Variants in CASK observed in about 807,000 individuals in gnomAD.
CASK encodes peripheral plasma membrane protein CASK.
Under a neutral mutation model 82.9 loss-of-function variants are expected in CASK, and 4 were observed. That is an observed-to-expected ratio of 0.05 (90% CI 0.02 to 0.11). The LOEUF (loss-of-function observed/expected upper bound fraction) is 0.11. Ranked by LOEUF, CASK falls within the 10% of genes least tolerant of loss-of-function variation. The pLI, the probability that CASK is intolerant of heterozygous loss-of-function variation, is 1.00. For missense variants in CASK, 358 were observed against 720.9 expected, an observed-to-expected ratio of 0.50 and a Z score of 5.76; for synonymous variants, 259 against 253.5, an observed-to-expected ratio of 1.02 and a Z score of -0.20.
chrX:41,893,225 G>A (rs182660264), intron 1 of CASK, among the ~76,000 whole-genome samples: 8 of 111,808 alleles, frequency 7.2e-5, no homozygotes, highest in African/African-American at 2.6e-4. Flanking sequence ...ATTTGGGTCC[G>A]CTTCTACCAC....
Position 41,705,547 on chromosome X carries a change from TA to T in CASK, c.429+33836del, listed in dbSNP as rs993833122. Among the ~76,000 whole-genome samples, 960 of 104,540 alleles carry T rather than the reference TA, an allele frequency of 9.2e-3. 14 individuals are homozygous for T. Among genetic ancestry groups the T allele is most frequent in the African/African-American group, 0.031 (902 of 28,965 alleles). The allele number at this position is 104,540 out of a possible 115,157, so 90.8% of individuals were successfully genotyped here. On this transcript the variant is annotated intron_variant, in intron 5 of 26. Transcript: ENST00000378163. ...TCAAGCCTGGGTGACAGAGATCTTC[TA>T]AAAAAAAAAAATTAGAAGAGATGTT...
intron 12 of CASK, among the ~76,000 whole-genome samples, chrX:41,600,034 CTCT>C (rs1224672246): frequency 9.0e-6 from 1 of 111,567 alleles, no homozygotes; most frequent in Non-Finnish European, 1.9e-5. Context: ...CCTAGCTTGG[CTCT>C]TCTTAAGCAA....
intron 3 of CASK, among the ~76,000 whole-genome samples, chrX:41,756,692 T>C (rs1048450240): frequency 1.8e-5 from 2 of 112,536 alleles, no homozygotes; most frequent in Non-Finnish European, 3.7e-5. Context: ...ATTAACTCAT[T>C]CAATGTTTAC....
At chrX:41,613,427 A>G (rs2066137372) in intron 11 of CASK, among the ~76,000 whole-genome samples, 1 of 96,195 alleles carries the variant, frequency 1.0e-5, no homozygotes, top group Admixed American at 1.1e-4. Flanking sequence ...CAGATGCTTG[A>G]AGGCAGCATG....
intron 3 of CASK, among the ~76,000 whole-genome samples, chrX:41,783,548 C>CAAA (rs1181405339): frequency 0.015 from 783 of 51,002 alleles, 13 homozygotes; most frequent in African/African-American, 0.052. Context: ...GACTCTGTCT[C>CAAA]AAAAAAAAAA....
chrX:41,793,797 T>C (rs755649803), intron 2 of CASK, among the ~76,000 whole-genome samples: 3 of 112,037 alleles, frequency 2.7e-5, no homozygotes, highest in Non-Finnish European at 5.6e-5. Flanking sequence ...AATGACCAAA[T>C]GATACTTTAA....
intron 2 of CASK, among the ~76,000 whole-genome samples, chrX:41,810,109 C>A (rs2070235890): frequency 8.9e-6 from 1 of 112,141 alleles, no homozygotes; most frequent in Non-Finnish European, 1.9e-5. Context: ...AAATCTACGT[C>A]TGATTGGTGT....
intron 2 of CASK, among the ~76,000 whole-genome samples, chrX:41,791,654 C>T (rs2069722582): frequency 1.9e-5 from 2 of 106,440 alleles, no homozygotes; most frequent in South Asian, 4.3e-4. Context: ...ACCTGGGAGG[C>T]GGAGGTTGCA....
chrX:41,710,568 G>A (rs2067956126), intron 5 of CASK, among the ~76,000 whole-genome samples: 1 of 112,025 alleles, frequency 8.9e-6, no homozygotes. Flanking sequence ...TCAGGTCTGT[G>A]ATACTATAAA....
At chrX:41,908,060 C>T (rs1019364101) in intron 1 of CASK, among the ~76,000 whole-genome samples, 2 of 111,322 alleles carry the variant, frequency 1.8e-5, no homozygotes, top group African/African-American at 3.3e-5. Flanking sequence ...GGTCATGAAC[C>T]GGTACTGGTC....
chrX:41,645,246 T>G (rs1270530293), intron 8 of CASK, among the ~76,000 whole-genome samples: 1 of 111,609 alleles, frequency 9.0e-6, no homozygotes, highest in Non-Finnish European at 1.9e-5. Context: ...CACTCCCAAT[T>G]ACATTTGGCA....
At chrX:41,916,512 C>CA (rs1431089516) in intron 1 of CASK, among the ~76,000 whole-genome samples, 1 of 111,510 alleles carries the variant, frequency 9.0e-6, no homozygotes, top group Non-Finnish European at 1.9e-5. Flanking sequence ...AAAATAAAAC[C>CA]AAAAAATGTG....
At chrX:41,818,569 C>G (rs1228534500) in intron 2 of CASK, among the ~76,000 whole-genome samples, 8 of 110,214 alleles carry the variant, frequency 7.3e-5, no homozygotes, top group African/African-American at 2.7e-4. Context: ...CCCCACTGCA[C>G]TCCAGCCTGG....
intron 1 of CASK, among the ~76,000 whole-genome samples, chrX:41,870,999 G>A (rs1443412220): frequency 8.9e-6 from 1 of 112,294 alleles, no homozygotes; most frequent in African/African-American, 3.2e-5. Flanking sequence ...GTCTCACAAT[G>A]CTGAAATCAA....
At position 41,530,992 on chromosome X, in the gene CASK, G is replaced by A; in HGVS notation, c.2520+15C>T. The A allele has an allele frequency of 1.7e-6, 2 of 1,196,540 alleles. No individual in the cohort carries two copies. Among genetic ancestry groups the A allele is most frequent in the Non-Finnish European group, 2.3e-6 (2 of 881,873 alleles). On this transcript the variant is annotated intron_variant, in intron 25 of 26. Transcript: ENST00000378163. The stretch of plus-strand genomic sequence containing the variant: ...GCAGGCAGGATGTCAGACATTCGGG[G>A]AGGCTGGGCATTACCTGAGGCTCCA...
intron 1 of CASK, among the ~76,000 whole-genome samples, chrX:41,873,707 C>T (rs985040067): frequency 3.7e-5 from 4 of 109,395 alleles, no homozygotes; most frequent in Non-Finnish European, 7.6e-5. Flanking sequence ...GGTGCTTCTA[C>T]AATACACAAT....
chrX:41,728,728 C>T (rs935032439), intron 5 of CASK: 8 of 121,925 alleles, frequency 6.6e-5, no homozygotes, highest in African/African-American at 1.3e-4. Context: ...GGAGGCAGAG[C>T]GAGACTCTGT....
chrX:41,631,611 A>G (rs2147350723), intron 9 of CASK, among the ~76,000 whole-genome samples: 1 of 109,582 alleles, frequency 9.1e-6, no homozygotes, highest in South Asian at 4.0e-4. Flanking sequence ...TGGGATTACA[A>G]ACATGTGCCA....
intron 2 of CASK, among the ~76,000 whole-genome samples, chrX:41,819,942 A>G (rs1211247379): frequency 8.9e-6 from 1 of 112,336 alleles, no homozygotes; most frequent in East Asian, 2.8e-4. Flanking sequence ...AAGGGCATTT[A>G]AGAAAAACCT....
Sources: allele counts gnomAD v4.1 joint callset (sites outside exome capture counted in the v4.1 genomes callset), GRCh38; gene constraint gnomAD v4.1.1; transcripts MANE v1.5; gene names NCBI Gene and HGNC (gene_info 2026-07-23, HGNC 2026-07-21).